FLT3: variants seen among roughly 807,000 people sequenced by gnomAD.
FLT3 encodes receptor-type tyrosine-protein kinase FLT3.
A neutral mutation model predicts 126.6 loss-of-function variants in FLT3; 46 were observed. The ratio of observed to expected loss-of-function variants is 0.36; its 90% CI spans 0.29 to 0.46. The LOEUF (loss-of-function observed/expected upper bound fraction) is 0.46, where lower values mean the gene tolerates loss of function less well. Ranked by LOEUF, FLT3 falls within the 20% of genes least tolerant of loss-of-function variation. The pLI, the probability that FLT3 is intolerant of heterozygous loss-of-function variation, is 1.00. For missense variants in FLT3, 1,069 were observed against 1,190.3 expected (o/e 0.90, Z 1.50); for synonymous variants, 404 against 434.4 (o/e 0.93, Z 0.87).
At chr13:28,072,876 G>T (rs1877640387) in intron 1 of FLT3, among the ~76,000 whole-genome samples, 1 of 152,032 alleles carries the variant, frequency 6.6e-6, no homozygotes, top group Non-Finnish European at 1.5e-5. Flanking sequence ...GTGGTGGCAG[G>T]CGCCTGCAGT....
chr13:28,017,664 TG>T (rs1357991405), intron 20 of FLT3, among the ~76,000 whole-genome samples: 10 of 134,820 alleles, frequency 7.4e-5, no homozygotes, highest in South Asian at 2.8e-4. Context: ...TTTTTGTTGT[TG>T]TTTTTTTTTT....
In FLT3 at chr13:28,034,134, T is replaced by G. The variant is rs748696886; in HGVS notation, c.1785A>C (p.Arg595Ser). 6.2e-7 allele frequency: 1 copy of G among 1,614,094 alleles called. No homozygotes were observed. The highest frequency in any genetic ancestry group is 1.7e-5 in the Admixed American group (1 of 60,030). The change falls in exon 14 of 24, where the codon AGA (arginine) becomes AGC (serine). Residue 595 changes from arginine to serine, a missense_variant. Physicochemically the swap from Arg to Ser is moderately radical, Grantham distance 110. Coordinates refer to ENST00000241453, the MANE Select transcript of FLT3 (RefSeq NM_004119.3). ...SDNEYFYVDF[R>S]EYEYDLKWEF... ...CCCATTTGAGATCATATTCATATTC[T>G]CTGAAATCAACGTAGAAGTACTCAT...
intron 9 of FLT3, among the ~76,000 whole-genome samples, chr13:28,047,814 T>G (rs1433994186): frequency 6.6e-6 from 1 of 152,090 alleles, no homozygotes; most frequent in African/African-American, 2.4e-5. Context: ...GAAAACAACA[T>G]TTTCCTTCAG....
chr13:28,054,707 C>T (rs141090675), intron 4 of FLT3, among the ~76,000 whole-genome samples: 39 of 152,284 alleles, frequency 2.6e-4, no homozygotes, highest in African/African-American at 8.9e-4. Flanking sequence ...GTCTTGCTTC[C>T]GGGAACACAT....
In FLT3 at chr13:28,015,700, G is replaced by A; in HGVS notation, c.2543C>T (p.Ala848Val). 3.1e-6 allele frequency: 5 copies of A among 1,602,726 alleles called. No individual in the cohort carries two copies. The highest frequency in any genetic ancestry group is 3.4e-6 in the Non-Finnish European group (4 of 1,170,002). Residue 848 changes from alanine to valine, a missense_variant and splice_region_variant, in exon 21 of 24, where the codon GCC (alanine) becomes GTC (valine). By Grantham distance (64) the Ala-to-Val change is moderately conservative (BLOSUM62 0). Transcript: ENST00000241453. ...SDSNYVVRGN[A>V]RLPVKWMAPE... Reference sequence around the variant, plus strand: ...GGCCATCCATTTTACAGGCAGACGGGCCTGTGGAAAACCCAGAGGAGATAA... The same window carrying A: ...GGCCATCCATTTTACAGGCAGACGGACCTGTGGAAAACCCAGAGGAGATAA...
At position 28,020,931 on chromosome 13, in the gene FLT3, G is replaced by C. The variant is rs528045104; in HGVS notation, c.2419-2342C>G. 2.6e-5 allele frequency among the ~76,000 whole-genome samples: 4 copies of C among 152,248 alleles called. No homozygotes were observed. The South Asian group carries it at 6.2e-4, about 24-fold the overall frequency. On this transcript the variant is annotated intron_variant, in intron 19 of 23. Coordinates refer to ENST00000241453, the MANE Select transcript of FLT3 (RefSeq NM_004119.3). ...TGATGTGAAGATAAAAGGATAGAAG[G>C]CCTAAGAAACTGGATGTTCTTCAAA...
At chr13:28,085,169 C>T (rs569130371) in intron 1 of FLT3, among the ~76,000 whole-genome samples, 1 of 150,858 alleles carries the variant, frequency 6.6e-6, no homozygotes, top group South Asian at 2.1e-4. Context: ...GTGGTGAAAC[C>T]CTGTTTCTAC....
intron 19 of FLT3, among the ~76,000 whole-genome samples, chr13:28,019,181 G>A (rs924929075): frequency 5.9e-5 from 9 of 152,020 alleles, no homozygotes; most frequent in African/African-American, 2.2e-4. Flanking sequence ...TGGTCAGGCT[G>A]GTCTCGAACT....
chr13:28,047,464 C>T (rs1333678479), intron 9 of FLT3, among the ~76,000 whole-genome samples: 1 of 152,106 alleles, frequency 6.6e-6, no homozygotes, highest in Non-Finnish European at 1.5e-5. Context: ...AATCCCAGCA[C>T]TTTGGGAGGC....
At chr13:28,093,227 CTT>C (rs779080122) in intron 1 of FLT3, among the ~76,000 whole-genome samples, 4 of 143,270 alleles carry the variant, frequency 2.8e-5, no homozygotes, top group East Asian at 2.0e-4. Flanking sequence ...CACCTGGCCT[CTT>C]TTTTTTTTTT....
chr13:28,028,241 T>A lies in FLT3; in HGVS notation c.1990A>T (p.Met664Leu). ...EREALMSELK[M>L]MTQLGSHENI... ...TCGTGGCTTCCCAGCTGGGTCATCA[T>A]CTTGAGTTCTGACATGAGTGCCTCT... Residue 664 changes from methionine to leucine, a missense_variant, in exon 16 of 24, where the codon ATG becomes TTG. Transcript: ENST00000241453. 1 of 1,612,088 alleles carries A rather than the reference T, an allele frequency of 6.2e-7. No homozygotes were observed. The highest frequency in any genetic ancestry group is 2.2e-5 in the East Asian group (1 of 44,870).
At chr13:28,063,656 CCAGT>C (rs1876762858) in intron 2 of FLT3, among the ~76,000 whole-genome samples, 1 of 149,410 alleles carries the variant, frequency 6.7e-6, no homozygotes, top group African/African-American at 2.5e-5. Flanking sequence ...TCTTCTGCTA[CCAGT>C]CAAAAACCAT....
At chr13:28,051,696 C>G (rs535221011) in intron 5 of FLT3, among the ~76,000 whole-genome samples, 1 of 152,032 alleles carries the variant, frequency 6.6e-6, no homozygotes, top group East Asian at 1.9e-4. Flanking sequence ...AGGTGCCCGC[C>G]ACCACGCCCG....
chr13:28,071,158 C>A (rs1475651907), intron 1 of FLT3, among the ~76,000 whole-genome samples: 1 of 145,320 alleles, frequency 6.9e-6, no homozygotes, highest in Non-Finnish European at 1.5e-5. Flanking sequence ...CCGTGCCTGG[C>A]TAATTTTCTT....
At chr13:28,041,124 T>C (rs1013603816) in intron 9 of FLT3, among the ~76,000 whole-genome samples, 5 of 152,020 alleles carry the variant, frequency 3.3e-5, no homozygotes, top group Admixed American at 6.6e-5. Flanking sequence ...AATAGAAAGA[T>C]TGGGGGAAAG....
Position 28,100,350 on chromosome 13 carries a change from G to T in FLT3, c.43+118C>A, listed in dbSNP as rs1879743970. 1 of 668,994 alleles carries T rather than the reference G, an allele frequency of 1.5e-6. No homozygotes were observed. Among genetic ancestry groups the T allele is most frequent in the Non-Finnish European group, 2.1e-6 (1 of 481,750 alleles). 41.4% of individuals were successfully genotyped at this position (668,994 alleles called of 1,614,324 possible). On this transcript the variant is annotated intron_variant, in intron 1 of 23. Transcript: ENST00000241453. This position sits in a 1 kb window ranked among gnomAD's most constrained non-coding sequence, Gnocchi z 4.8. ...GGAGGGGCGCGGGAGGCAATGGAAG[G>T]AGCGAGCGCGGGGAGGAGCGAGGCG...
chr13:28,044,047 G>A (rs943663038), intron 9 of FLT3, among the ~76,000 whole-genome samples: 2 of 151,608 alleles, frequency 1.3e-5, no homozygotes, highest in Admixed American at 1.3e-4. Context: ...CCACCGAGAG[G>A]AGAATCACTT....
At chr13:28,027,452 C>G (rs1320698141) in intron 16 of FLT3, among the ~76,000 whole-genome samples, 1 of 152,198 alleles carries the variant, frequency 6.6e-6, no homozygotes, top group African/African-American at 2.4e-5. Context: ...TCTTGACATT[C>G]TCTGTGGCCC....
rs10522717 is a variant in FLT3, at chr13:28,053,397, GAT to G, written c.485-725_485-724del. On this transcript the variant is annotated intron_variant, in intron 4 of 23. Coordinates refer to ENST00000241453, the MANE Select transcript of FLT3 (RefSeq NM_004119.3). ...TGTTTGAAAATACTATGTACTGTTT[GAT>G]ATATATATATATATATGAAAGAATA... 8.8e-4 allele frequency among the ~76,000 whole-genome samples: 118 copies of G among 134,750 alleles called. 3 individuals carry two copies. Among genetic ancestry groups the G allele is most frequent in the African/African-American group, 2.2e-3 (70 of 32,118 alleles). 88.4% of individuals were successfully genotyped at this position (134,750 alleles called of 152,430 possible).
Sources: allele counts gnomAD v4.1 joint callset (sites outside exome capture counted in the v4.1 genomes callset), GRCh38; gene constraint gnomAD v4.1.1; non-coding constraint Gnocchi (gnomAD v3.1); transcripts MANE v1.5; gene names NCBI Gene and HGNC (gene_info 2026-07-23, HGNC 2026-07-21).